The following PPP1R12B variants were observed in gnomAD, a reference collection of about 807,000 sequenced individuals.
PPP1R12B encodes the protein protein phosphatase 1 regulatory subunit 12B, also known as myosin phosphatase target subunit 2.
Under a neutral mutation model 126.1 loss-of-function variants are expected in PPP1R12B, and 76 were observed. The ratio of observed to expected loss-of-function variants is 0.60; its 90% CI spans 0.50 to 0.73. The LOEUF is 0.73. PPP1R12B is among the 30% of genes least tolerant of loss of function. The probability of loss-of-function intolerance (pLI) is 0.00; values close to 1 mark genes in which losing one functional copy is unlikely to be tolerated. For synonymous variants in PPP1R12B, 356 were observed against 434.7 expected, an observed-to-expected ratio of 0.82 and a Z score of 2.25; for missense variants, 1,052 against 1,205.1, an observed-to-expected ratio of 0.87 and a Z score of 1.88.
At chr1:202,385,051 C>G (rs1391915146) in intron 1 of PPP1R12B, among the ~76,000 whole-genome samples, 1 of 152,100 alleles carries the variant, frequency 6.6e-6, no homozygotes, top group African/African-American at 2.4e-5. Context: ...GCAAATGGCT[C>G]TTGATTATTG....
intron 13 of PPP1R12B, among the ~76,000 whole-genome samples, chr1:202,475,603 T>G (rs1676528629): frequency 1.3e-5 from 2 of 152,232 alleles, no homozygotes; most frequent in Admixed American, 1.3e-4. Flanking sequence ...GAGAACATGG[T>G]TAAAATCCCT....
intron 1 of PPP1R12B, among the ~76,000 whole-genome samples, chr1:202,410,470 C>T (rs1369307666): frequency 6.6e-6 from 1 of 152,218 alleles, no homozygotes; most frequent in Admixed American, 6.5e-5. Flanking sequence ...TTCTGAGACA[C>T]AACAGCAAGG....
chr1:202,385,732 CTG>C (rs1281411352), intron 1 of PPP1R12B, among the ~76,000 whole-genome samples: 1 of 152,164 alleles, frequency 6.6e-6, no homozygotes, highest in East Asian at 1.9e-4. Flanking sequence ...CATACAATAA[CTG>C]TCACATTTTC....
chr1:202,372,150 C>T (rs1208540354), intron 1 of PPP1R12B, among the ~76,000 whole-genome samples: 11 of 152,036 alleles, frequency 7.2e-5, no homozygotes, highest in African/African-American at 1.4e-4. Context: ...GGATTATAGG[C>T]GTGAGCCACT....
chr1:202,466,718 CTTTA>C (rs891575974), intron 13 of PPP1R12B, among the ~76,000 whole-genome samples: 2 of 152,082 alleles, frequency 1.3e-5, no homozygotes, highest in African/African-American at 4.8e-5. Context: ...TTCTTATTTC[CTTTA>C]TTTATCTATT....
intron 18 of PPP1R12B, among the ~76,000 whole-genome samples, chr1:202,523,783 C>T (rs1291341268): frequency 2.6e-5 from 4 of 152,130 alleles, no homozygotes; most frequent in Non-Finnish European, 4.4e-5. Context: ...GGCGCCATCT[C>T]GGCTCACTGC....
chr1:202,435,576 T>A (rs1238655158), intron 9 of PPP1R12B, among the ~76,000 whole-genome samples: 1 of 152,220 alleles, frequency 6.6e-6, no homozygotes, highest in East Asian at 1.9e-4. Context: ...TCTGTAACTT[T>A]GTGCAGGCCT....
chr1:202,561,101 A>G (rs1347745914), intron 19 of PPP1R12B, among the ~76,000 whole-genome samples: 1 of 152,018 alleles, frequency 6.6e-6, no homozygotes, highest in Non-Finnish European at 1.5e-5. Flanking sequence ...ACCCTACTGA[A>G]CAAAGGCTAT....
chr1:202,430,321 T>C (rs1218117056), intron 6 of PPP1R12B, among the ~76,000 whole-genome samples: 1 of 152,220 alleles, frequency 6.6e-6, no homozygotes, highest in Non-Finnish European at 1.5e-5. Flanking sequence ...TGCATCTAAA[T>C]AGCAGACCAT....
Position 202,438,346 on chromosome 1 carries a change from C to T in PPP1R12B, c.1458+322C>T, listed in dbSNP as rs1262446344. ...GTATGGCGGAGGGGGGCACAGGACC[C>T]CAGGTAGGGGTCCTGGATCCAGAGG... On this transcript the variant is annotated intron_variant, in intron 10 of 23. Coordinates refer to ENST00000608999, the MANE Select transcript of PPP1R12B (RefSeq NM_002481.4). The T allele has an allele frequency of 9.7e-5, 104 of 1,077,580 alleles. 2 individuals are homozygous for T. The South Asian group carries it at 1.3e-3, about 13-fold the overall frequency. 66.8% of individuals were successfully genotyped at this position (1,077,580 alleles called of 1,614,324 possible).
chr1:202,539,685 A>G (rs1440560729), intron 18 of PPP1R12B, among the ~76,000 whole-genome samples: 1 of 152,182 alleles, frequency 6.6e-6, no homozygotes, highest in Non-Finnish European at 1.5e-5. Context: ...TTCCCTCTGG[A>G]TAAAGTGATA....
chr1:202,538,009 A>G (rs565043920), intron 18 of PPP1R12B, among the ~76,000 whole-genome samples: 1 of 151,654 alleles, frequency 6.6e-6, no homozygotes, highest in South Asian at 2.1e-4. Flanking sequence ...TGTTTTTGAG[A>G]CAGAGTTTTG....
chr1:202,575,133 C>A, intron 23 of PPP1R12B: 3 of 1,613,230 alleles, frequency 1.9e-6, no homozygotes, highest in Non-Finnish European at 1.7e-6. Context: ...CCCAGGAGCT[C>A]TAGTTCTTGC....
intron 18 of PPP1R12B, among the ~76,000 whole-genome samples, chr1:202,528,075 ACT>A (rs1285938272): frequency 6.6e-6 from 1 of 152,112 alleles, no homozygotes; most frequent in Non-Finnish European, 1.5e-5. Context: ...GGTTTTGGAC[ACT>A]CTCAGTCGGT....
In PPP1R12B at chr1:202,584,598, C is replaced by G. The variant is rs1399177950; in HGVS notation, c.*4038C>G. On this transcript the variant is annotated 3_prime_UTR_variant, in exon 24 of 24. Coordinates refer to ENST00000608999, the MANE Select transcript of PPP1R12B (RefSeq NM_002481.4). ...GCCACAGACAGACACTGTCTCCTCTCAGAGAAAGGCCAGTGTTTCGGTCCA... is the reference window on the plus strand; with the variant it reads ...GCCACAGACAGACACTGTCTCCTCTGAGAGAAAGGCCAGTGTTTCGGTCCA... 1 of 152,242 alleles carries G rather than the reference C, an allele frequency of 6.6e-6. No individual in the cohort carries two copies. The highest frequency in any genetic ancestry group is 1.5e-5 in the Non-Finnish European group (1 of 68,052). The allele number at this position is 152,242 out of a possible 1,614,324, so 9.4% of individuals were successfully genotyped here.
intron 1 of PPP1R12B, among the ~76,000 whole-genome samples, chr1:202,363,990 C>A (rs999125245): frequency 2.0e-5 from 3 of 152,064 alleles, no homozygotes; most frequent in African/African-American, 7.2e-5. Context: ...GAACTCCTGT[C>A]ATCAAGTGAT....
intron 10 of PPP1R12B, chr1:202,439,590 C>T: frequency 1.7e-6 from 2 of 1,148,352 alleles, no homozygotes; most frequent in Non-Finnish European, 2.6e-6. Context: ...GCCGCCACCC[C>T]CTCTGTACAC....
chr1:202,434,835 G>A, intron 9 of PPP1R12B, 67 bp downstream of exon 9: 1 of 1,578,224 alleles, frequency 6.3e-7, no homozygotes, highest in Non-Finnish European at 8.5e-7. Flanking sequence ...ATCTAGAAAG[G>A]CCTTAAAGGT....
At chr1:202,521,896 A>G (rs1282967371) in intron 18 of PPP1R12B, among the ~76,000 whole-genome samples, 1 of 152,254 alleles carries the variant, frequency 6.6e-6, no homozygotes, top group Non-Finnish European at 1.5e-5. Flanking sequence ...CCACAACTAC[A>G]TACATGATAA....
Sources: gnomAD v4.1 joint callset for allele counts (sites outside exome capture counted in the v4.1 genomes callset) on GRCh38, gnomAD v4.1.1 for gene constraint, MANE v1.5 for transcripts, NCBI Gene and HGNC (gene_info 2026-07-23, HGNC 2026-07-21) for gene names.